Variants in TMEM232 observed in about 807,000 individuals in gnomAD.
TMEM232 encodes transmembrane protein 232.
A neutral mutation model predicts 78.8 loss-of-function variants in TMEM232; 80 were observed. The ratio of observed to expected loss-of-function variants is 1.01; its 90% confidence interval spans 0.85 to 1.22. TMEM232 has a LOEUF of 1.22. Ranked by LOEUF, TMEM232 falls within the 50% of genes most tolerant of loss-of-function variation. The pLI, the probability that TMEM232 is intolerant of heterozygous loss-of-function variation, is 0.00. For missense variants in TMEM232, 881 were observed against 742.2 expected (o/e 1.19, Z -2.17); for synonymous variants, 297 against 254.3 (o/e 1.17, Z -1.60).
intron 12 of TMEM232, among the ~76,000 whole-genome samples, chr5:110,474,532 CTAACTA>C (rs1763036781): frequency 1.3e-5 from 2 of 151,830 alleles, no homozygotes. Context: ...TCACTTCTAT[CTAACTA>C]TAAATTAGAA....
chr5:110,532,764 G>A (rs1207399522), intron 11 of TMEM232, among the ~76,000 whole-genome samples: 1 of 151,788 alleles, frequency 6.6e-6, no homozygotes, highest in Non-Finnish European at 1.5e-5. Flanking sequence ...CGTCCTTGGC[G>A]ACCGATCATG....
At chr5:110,707,823 C>T (rs1796087179) in intron 1 of TMEM232, among the ~76,000 whole-genome samples, 2 of 152,280 alleles carry the variant, frequency 1.3e-5, no homozygotes, top group Middle Eastern at 6.8e-3. Context: ...GATACCAGCT[C>T]AGCCACAATA....
chr5:110,558,190 G>T (rs1477694850), intron 11 of TMEM232, among the ~76,000 whole-genome samples: 1 of 152,040 alleles, frequency 6.6e-6, no homozygotes, highest in Non-Finnish European at 1.5e-5. Flanking sequence ...TTTCTGGTTT[G>T]GTCTGCTGGC....
chr5:110,532,346 A>G (rs943908318), intron 11 of TMEM232, among the ~76,000 whole-genome samples: 4 of 150,806 alleles, frequency 2.7e-5, no homozygotes, highest in African/African-American at 4.9e-5. Context: ...GAAGCCCCCT[A>G]GACCATCACG....
intron 1 of TMEM232, among the ~76,000 whole-genome samples, chr5:110,685,787 T>C (rs777605408): frequency 3.9e-5 from 6 of 152,166 alleles, no homozygotes; most frequent in African/African-American, 7.2e-5. Flanking sequence ...GTGGTATGTT[T>C]ATATAATAGG....
chr5:110,561,492 CA>C (rs141188650), intron 11 of TMEM232, among the ~76,000 whole-genome samples: 4,359 of 151,788 alleles, frequency 0.029, 210 homozygotes, highest in African/African-American at 0.1. Context: ...CAGTAAATAT[CA>C]AATCTTAGCA....
intron 1 of TMEM232, among the ~76,000 whole-genome samples, chr5:110,678,553 A>G (rs568032156): frequency 1.3e-5 from 2 of 152,306 alleles, no homozygotes; most frequent in East Asian, 3.9e-4. Context: ...CATAGTTTAC[A>G]TTAGGGTTCA....
At chr5:110,647,123 G>T (rs1407208476) in intron 2 of TMEM232, among the ~76,000 whole-genome samples, 1 of 151,874 alleles carries the variant, frequency 6.6e-6, no homozygotes, top group Non-Finnish European at 1.5e-5. Flanking sequence ...CTGACTTTGT[G>T]TGCAAGCATT....
intron 11 of TMEM232, among the ~76,000 whole-genome samples, chr5:110,536,719 G>T (rs1043010345): frequency 6.6e-6 from 1 of 152,166 alleles, no homozygotes; most frequent in Admixed American, 6.5e-5. Flanking sequence ...GAAAATAGAT[G>T]ACTGGTTGTT....
upstream of TMEM232, among the ~76,000 whole-genome samples, chr5:110,729,973 T>G (rs1193991791): frequency 6.6e-6 from 1 of 152,208 alleles, no homozygotes; most frequent in African/African-American, 2.4e-5. Context: ...GAAGACATCC[T>G]TCAATGTTTC....
At chr5:110,692,635 G>A (rs1794269915) in intron 1 of TMEM232, among the ~76,000 whole-genome samples, 1 of 152,306 alleles carries the variant, frequency 6.6e-6, no homozygotes, top group Middle Eastern at 3.4e-3. Context: ...CTTAACAAAC[G>A]GCACACCAGG....
intron 10 of TMEM232, among the ~76,000 whole-genome samples, chr5:110,570,257 A>T (rs1776788073): frequency 6.6e-6 from 1 of 151,992 alleles, no homozygotes; most frequent in South Asian, 2.1e-4. Flanking sequence ...ATAACATATA[A>T]AACAAGTTTT....
At chr5:110,710,192 C>T (rs543113924) in intron 1 of TMEM232, among the ~76,000 whole-genome samples, 1 of 152,188 alleles carries the variant, frequency 6.6e-6, no homozygotes, top group East Asian at 1.9e-4. Flanking sequence ...CACATACAAC[C>T]TACCAAGATT....
chr5:110,700,538 G>T, intron 1 of TMEM232, among the ~76,000 whole-genome samples: 1 of 151,982 alleles, frequency 6.6e-6, no homozygotes, highest in Admixed American at 6.6e-5. Flanking sequence ...CCTTTCCAAA[G>T]GGAACCTCAG....
At chr5:110,596,780 T>C (rs1189948500) in intron 10 of TMEM232, among the ~76,000 whole-genome samples, 3 of 152,126 alleles carry the variant, frequency 2.0e-5, no homozygotes, top group South Asian at 2.1e-4. Flanking sequence ...ATTATCTCAA[T>C]AGATGCAGAA....
chr5:110,623,325 C>A (rs1784016654), intron 7 of TMEM232, among the ~76,000 whole-genome samples: 1 of 152,174 alleles, frequency 6.6e-6, no homozygotes, highest in South Asian at 2.1e-4. Context: ...GTAATTATGC[C>A]TTTATTTCAA....
At chr5:110,646,815 T>C (rs1432098539) in intron 2 of TMEM232, among the ~76,000 whole-genome samples, 1 of 151,726 alleles carries the variant, frequency 6.6e-6, no homozygotes, top group Non-Finnish European at 1.5e-5. Flanking sequence ...CCAAAATATT[T>C]AAGAAACTAA....
At chr5:110,541,678 A>C (rs115861272) in intron 11 of TMEM232, among the ~76,000 whole-genome samples, 5,428 of 151,208 alleles carry the variant, frequency 0.036, 137 homozygotes, top group African/African-American at 0.072. Context: ...AACATAAAAA[A>C]CGTGGTTCAG....
intron 2 of TMEM232, among the ~76,000 whole-genome samples, chr5:110,655,105 G>A (rs1788848660): frequency 6.6e-6 from 1 of 152,014 alleles, no homozygotes; most frequent in South Asian, 2.1e-4. Context: ...ACTACCATCA[G>A]AGTGAACAGG....
Sources: allele counts gnomAD v4.1 joint callset (sites outside exome capture counted in the v4.1 genomes callset), GRCh38; gene constraint gnomAD v4.1.1; transcripts MANE v1.5; gene names NCBI Gene and HGNC (gene_info 2026-07-23, HGNC 2026-07-21).